Variants in HADH observed in about 807,000 individuals in gnomAD.
The protein encoded by HADH is hydroxyacyl-coenzyme A dehydrogenase, mitochondrial.
Under a neutral mutation model 32.2 loss-of-function variants are expected in HADH, and 24 were observed. The ratio of observed to expected loss-of-function variants is 0.75; its 90% CI spans 0.54 to 1.05. The LOEUF is 1.05. Among genes scored for constraint, HADH ranks in the 50% least tolerant of loss-of-function variants. The pLI, the probability that HADH is intolerant of heterozygous loss-of-function variation, is 0.00. For missense variants in HADH, 350 were observed against 397.1 expected, an observed-to-expected ratio of 0.88 and a Z score of 1.01; for synonymous variants, 139 against 152.5, an observed-to-expected ratio of 0.91 and a Z score of 0.65.
In HADH at chr4:108,030,471, T is replaced by G. The variant is rs796813323; in HGVS notation, c.710-2705T>G. ...GGGCACATAGGCAGCTGCTGATGAG[T>G]AAAAATGCTGTTTCTGAGTTGTTGC... On this transcript the variant is annotated intron_variant, in intron 6 of 7. Coordinates refer to ENST00000309522, the MANE Select transcript of HADH (RefSeq NM_005327.7). 18 of 152,434 alleles carry G rather than the reference T, an allele frequency of 1.2e-4. 1 individual carries two copies. The highest frequency in any genetic ancestry group is 4.1e-4 in the African/African-American group (17 of 41,556). The allele number at this position is 152,434 out of a possible 1,614,324, so 9.4% of individuals were successfully genotyped here. A position where few individuals can be genotyped will look rare whatever the true frequency, so the allele number is the denominator to read the frequency against.
chr4:108,019,720 C>T (rs1735821051), intron 4 of HADH, 54 bp downstream of exon 4: 1 of 1,608,526 alleles, frequency 6.2e-7, no homozygotes, highest in South Asian at 1.1e-5. Flanking sequence ...TCTCTCAGTC[C>T]TGCTTTTCTG....
chr4:108,009,360 C>T (rs1202191130), intron 1 of HADH, among the ~76,000 whole-genome samples: 1 of 152,120 alleles, frequency 6.6e-6, no homozygotes, highest in African/African-American at 2.4e-5. Flanking sequence ...TACTTAATTC[C>T]AATTAATTTA....
chr4:108,015,630 C>A (rs1335518632), intron 3 of HADH, among the ~76,000 whole-genome samples: 1 of 152,180 alleles, frequency 6.6e-6, no homozygotes, highest in African/African-American at 2.4e-5. Flanking sequence ...TCCATCCTCC[C>A]ACTCCCAGTT....
At chr4:108,010,305 G>A (rs1166612558) in intron 2 of HADH, among the ~76,000 whole-genome samples, 1 of 152,168 alleles carries the variant, frequency 6.6e-6, no homozygotes, top group African/African-American at 2.4e-5. Context: ...GAAACTAAGA[G>A]TGAATCATTC....
intron 1 of HADH, 102 bp from the exon 2 acceptor site, chr4:108,009,657 C>A: frequency 1.1e-6 from 1 of 910,512 alleles, no homozygotes; most frequent in Non-Finnish European, 1.8e-6. Flanking sequence ...TAGTAGAATT[C>A]ATGTGGAATA....
chr4:108,012,432 G>A (rs1263350616), intron 2 of HADH, among the ~76,000 whole-genome samples: 1 of 152,268 alleles, frequency 6.6e-6, no homozygotes, highest in East Asian at 1.9e-4. Context: ...CAGCATTTTT[G>A]CCACAAGAGT....
At chr4:108,021,952 C>T (rs1735897791) in intron 4 of HADH, among the ~76,000 whole-genome samples, 1 of 152,110 alleles carries the variant, frequency 6.6e-6, no homozygotes, top group African/African-American at 2.4e-5. Context: ...AGTGAGAACT[C>T]TTCTTTGTTT....
chr4:108,032,990 CA>C (rs1024692038), intron 6 of HADH, 185 bp from the exon 7 acceptor site: 9 of 619,582 alleles, frequency 1.5e-5, no homozygotes, highest in African/African-American at 1.3e-4. Context: ...TCAAAAAAAA[CA>C]AAGTCTTATG....
intron 1 of HADH, among the ~76,000 whole-genome samples, chr4:107,991,301 G>A (rs1734797055): frequency 6.6e-6 from 1 of 152,042 alleles, no homozygotes; most frequent in South Asian, 2.1e-4. Flanking sequence ...TTTTCTTGGG[G>A]ACAGTACTAC....
At chr4:108,025,989 A>G (rs2126235968) in intron 5 of HADH, 1 of 152,298 alleles carries the variant, frequency 6.6e-6, no homozygotes, top group South Asian at 2.1e-4. Flanking sequence ...AAAACCTTTG[A>G]TAATCTTGTT....
chr4:108,034,239 G>T lies in HADH; in HGVS notation c.827G>T (p.Gly276Val). The change falls in exon 8 of 8, where the codon GGG becomes GTG. Residue 276 changes from glycine to valine, a missense_variant and splice_region_variant. Coordinates refer to ENST00000309522, the MANE Select transcript of HADH (RefSeq NM_005327.7). ...GLDTTKFIVD[G>V]WHEMDAENPL... ...GAGTTCTCTTCCCTCCGCTCAATAG[G>T]GTGGCATGAAATGGATGCAGAGAAC... The T allele has an allele frequency of 6.3e-7, 1 of 1,580,356 alleles. No individual in the cohort carries two copies. The highest frequency in any genetic ancestry group is 8.7e-7 in the Non-Finnish European group (1 of 1,149,136).
chr4:108,029,283 C>G (rs1736174209), intron 6 of HADH: 1 of 181,314 alleles, frequency 5.5e-6, no homozygotes, highest in Non-Finnish European at 1.1e-5. Context: ...TCTGGAGGCT[C>G]CTTCTCGTCT....
intron 4 of HADH, among the ~76,000 whole-genome samples, chr4:108,019,893 C>A (rs1051581222): frequency 2.6e-5 from 4 of 152,152 alleles, no homozygotes; most frequent in African/African-American, 9.7e-5. Context: ...TGTGGAATGT[C>A]ATTTACTTAT....
chr4:108,012,071 T>G (rs909710940), intron 2 of HADH, among the ~76,000 whole-genome samples: 1 of 150,834 alleles, frequency 6.6e-6, no homozygotes, highest in Non-Finnish European at 1.5e-5. Flanking sequence ...AAAAAAAAAA[T>G]TTTTTTTTAG....
At position 108,033,326 on chromosome 4, in the gene HADH, A is replaced by G. The variant is rs112985770; in HGVS notation, c.826+34A>G. On this transcript the variant is annotated intron_variant, in intron 7 of 7. Coordinates refer to ENST00000309522, the MANE Select transcript of HADH (RefSeq NM_005327.7). ...TGGAATTTTTTGTTGTCTTTAATTGAGGTAGTTTTTCTGAACTGTAAATTA... is the reference window on the plus strand; with the variant it reads ...TGGAATTTTTTGTTGTCTTTAATTGGGGTAGTTTTTCTGAACTGTAAATTA... The G allele has an allele frequency of 1.3e-4, 140 of 1,089,772 alleles. No individual in the cohort carries two copies. In the African/African-American group the frequency reaches 1.9e-3, roughly 15 times the overall value. The allele number at this position is 1,089,772 out of a possible 1,614,324, so 67.5% of individuals were successfully genotyped here.
Position 108,019,662 on chromosome 4 carries a change from TGG to T in HADH, c.543_544del (p.Glu182GlyfsTer3). On this transcript the variant is annotated frameshift_variant and splice_region_variant, in exon 4 of 8. Coordinates refer to ENST00000309522, the MANE Select transcript of HADH (RefSeq NM_005327.7). LOFTEE classifies it high-confidence loss of function. ...AACCCAGTGCCTGTCATGAAACTTG[TGG>T]AGGTCAGTGGGTGTCAGCTTGTGTG... 1 of 1,614,074 alleles carries T rather than the reference TGG, an allele frequency of 6.2e-7. No individual in the cohort carries two copies. Among genetic ancestry groups the T allele is most frequent in the Non-Finnish European group, 8.5e-7 (1 of 1,179,946 alleles).
At chr4:108,030,229 C>A (rs1444607887) in intron 6 of HADH, 2 of 152,492 alleles carry the variant, frequency 1.3e-5, no homozygotes, top group African/African-American at 4.8e-5. Flanking sequence ...CCAACTACTC[C>A]TGCCATTCCC....
At position 108,014,645 on chromosome 4, in the gene HADH, T is replaced by A. The variant is rs112515191; in HGVS notation, c.419+57T>A. ...TTTTTTTTAACCTTATTTTTGTTTT[T>A]CATTTTTATTTTTTGTTTTTATAGA... is the stretch of plus-strand genomic sequence containing the variant. On this transcript the variant is annotated intron_variant, in intron 3 of 7. Transcript: ENST00000309522. 8.8e-4 allele frequency: 1,299 copies of A among 1,477,732 alleles called. 9 individuals carry two copies. In the African/African-American group the frequency reaches 0.017, roughly 19 times the overall value. The allele number at this position is 1,477,732 out of a possible 1,614,324, so 91.5% of individuals were successfully genotyped here.
intron 1 of HADH, 143 bp from the exon 2 acceptor site, chr4:108,009,616 A>G: frequency 1.4e-6 from 1 of 719,912 alleles, no homozygotes; most frequent in South Asian, 1.6e-5. Context: ...TTGACTTATC[A>G]TATGTTCACT....
Sources: gnomAD v4.1 joint callset for allele counts (sites outside exome capture counted in the v4.1 genomes callset) on GRCh38, gnomAD v4.1.1 for gene constraint, MANE v1.5 for transcripts, NCBI Gene and HGNC (gene_info 2026-07-23, HGNC 2026-07-21) for gene names.